WLS: variants seen among roughly 807,000 people sequenced by gnomAD.
WLS encodes the protein Wnt ligand secretion mediator.
In WLS, 23 loss-of-function variants were observed where a neutral mutation model predicts 62.8. The ratio of observed to expected loss-of-function variants is 0.37; its 90% CI spans 0.26 to 0.52. The LOEUF (loss-of-function observed/expected upper bound fraction) is 0.52. Ranked by LOEUF, WLS falls within the 20% of genes least tolerant of loss-of-function variation. The pLI is 0.92. For synonymous variants in WLS, 246 were observed against 244.1 expected, an observed-to-expected ratio of 1.01 and a Z score of -0.07; for missense variants, 615 against 697.3, an observed-to-expected ratio of 0.88 and a Z score of 1.33.
chr1:68,149,292 C>T (rs1646793868), intron 6 of WLS, among the ~76,000 whole-genome samples: 1 of 152,226 alleles, frequency 6.6e-6, no homozygotes, highest in Non-Finnish European at 1.5e-5. Context: ...CCTTGGCTGG[C>T]TTCCTGGTGC....
chr1:68,204,621 A>T (rs1649201401), intron 1 of WLS, among the ~76,000 whole-genome samples: 1 of 152,300 alleles, frequency 6.6e-6, no homozygotes. Flanking sequence ...ATATTTTTTT[A>T]AAAAACATTG....
chr1:68,107,289 A>C (rs1218695507), intron 11 of WLS, among the ~76,000 whole-genome samples: 1 of 119,768 alleles, frequency 8.3e-6, no homozygotes, highest in Non-Finnish European at 1.8e-5. Flanking sequence ...CCATTGTTGA[A>C]TAGCTAGATT....
Position 68,173,411 on chromosome 1 carries a change from C to CCTCT in WLS, c.380-14168_380-14165dup, listed in dbSNP as rs3053543. ...CGTTGTGAAAATCTACCTGCGTGCC[C>CCTCT]CTCTCTCTCTCTCTCTCTCTCTGAA... On this transcript the variant is annotated intron_variant, in intron 2 of 11. Coordinates refer to ENST00000262348, the MANE Select transcript of WLS (RefSeq NM_024911.7). 1.9e-3 allele frequency among the ~76,000 whole-genome samples: 292 copies of CCTCT among 149,974 alleles called. 2 individuals carry two copies. Among genetic ancestry groups the CCTCT allele is most frequent in the East Asian group, 9.7e-3 (49 of 5,064 alleles).
intron 11 of WLS, among the ~76,000 whole-genome samples, chr1:68,134,143 C>T (rs1178772547): frequency 6.6e-6 from 1 of 152,330 alleles, no homozygotes; most frequent in East Asian, 1.9e-4. Context: ...TCCTTCCTTG[C>T]AAGAGTTCTT....
chr1:68,109,347 C>T (rs1253435118), intron 11 of WLS, among the ~76,000 whole-genome samples: 1 of 152,180 alleles, frequency 6.6e-6, no homozygotes, highest in Non-Finnish European at 1.5e-5. Flanking sequence ...AATATATGAG[C>T]ACTCAATAAA....
chr1:68,134,570 A>C (rs1646578220), intron 11 of WLS, among the ~76,000 whole-genome samples: 1 of 152,220 alleles, frequency 6.6e-6, no homozygotes, highest in South Asian at 2.1e-4. Context: ...TTTCTTTATG[A>C]CATGAGCCTT....
intron 4 of WLS, 129 bp from the exon 5 acceptor site, chr1:68,153,782 A>T: frequency 8.0e-7 from 1 of 1,246,618 alleles, no homozygotes; most frequent in Non-Finnish European, 1.1e-6. Context: ...GAGCTTTCAC[A>T]TTCATAGCAG....
intron 2 of WLS, among the ~76,000 whole-genome samples, chr1:68,190,538 C>T (rs955797362): frequency 5.3e-5 from 8 of 152,218 alleles, no homozygotes; most frequent in Non-Finnish European, 1.0e-4. Context: ...GGGGGAAGCC[C>T]GCTGCCATGT....
intron 1 of WLS, among the ~76,000 whole-genome samples, chr1:68,196,875 A>G (rs1438720750): frequency 1.3e-5 from 2 of 152,136 alleles, no homozygotes; most frequent in African/African-American, 4.8e-5. Context: ...AACTTTGGTT[A>G]TCCTGACTCA....
chr1:68,100,089 G>A (rs1211698681), intron 11 of WLS, among the ~76,000 whole-genome samples: 1 of 152,218 alleles, frequency 6.6e-6, no homozygotes, highest in African/African-American at 2.4e-5. Context: ...ACTAATAGAT[G>A]TGGAATTGAA....
chr1:68,201,133 G>A (rs1013257548), intron 1 of WLS, among the ~76,000 whole-genome samples: 1 of 152,140 alleles, frequency 6.6e-6, no homozygotes, highest in African/African-American at 2.4e-5. Flanking sequence ...CTGGTTAAAA[G>A]GAAACATGTG....
In WLS at chr1:68,214,954, A is replaced by T. The variant is rs74081616; in HGVS notation, c.106+17240T>A. Among the ~76,000 whole-genome samples, 889 of 152,318 alleles carry T rather than the reference A, an allele frequency of 5.8e-3. 6 individuals are homozygous for T. Among genetic ancestry groups the T allele is most frequent in the African/African-American group, 0.02 (846 of 41,568 alleles). ...ATTCTGTGAGTTGAAATTCAGTAAG[A>T]AAAAGAGAGGACATCTCTTCCTGGT... is the stretch of plus-strand genomic sequence containing the variant. On this transcript the variant is annotated intron_variant, in intron 1 of 11. Transcript: ENST00000262348.
intron 3 of WLS, among the ~76,000 whole-genome samples, chr1:68,156,715 T>G (rs1646904931): frequency 6.6e-6 from 1 of 152,154 alleles, no homozygotes; most frequent in Non-Finnish European, 1.5e-5. Context: ...GAATGCTGCT[T>G]TTTCAAACCT....
intron 2 of WLS, among the ~76,000 whole-genome samples, chr1:68,187,189 C>CGAAAAAAAAAAAAAAAAAAAA (rs1648006165): frequency 1.7e-5 from 1 of 57,196 alleles, no homozygotes; most frequent in African/African-American, 7.5e-5. Context: ...ACTCCATCTC[C>CGAAAAAAAAAAAAAAAAAAAA]AAAAAAAAAA....
intron 11 of WLS, among the ~76,000 whole-genome samples, chr1:68,113,518 C>T (rs1030584164): frequency 5.9e-5 from 9 of 152,160 alleles, no homozygotes; most frequent in African/African-American, 2.2e-4. Context: ...ACTTCAGCTC[C>T]TGGCCAAGTC....
chr1:68,102,272 G>A (rs2100292303), intron 11 of WLS, among the ~76,000 whole-genome samples: 1 of 152,310 alleles, frequency 6.6e-6, no homozygotes, highest in African/African-American at 2.4e-5. Flanking sequence ...TCTTCCCAAG[G>A]GAAAGAATGA....
At chr1:68,221,808 T>C (rs1474624705) in intron 1 of WLS, among the ~76,000 whole-genome samples, 4 of 152,084 alleles carry the variant, frequency 2.6e-5, no homozygotes, top group East Asian at 1.9e-4. Flanking sequence ...TTCAACAAAA[T>C]GAAAAGACAG....
intron 3 of WLS, among the ~76,000 whole-genome samples, chr1:68,156,538 C>G (rs189668999): frequency 1.3e-5 from 2 of 152,110 alleles, no homozygotes; most frequent in Admixed American, 6.5e-5. Context: ...GAGACACACA[C>G]GGCAAGGTAG....
At position 68,150,177 on chromosome 1, in the gene WLS, G is replaced by A; in HGVS notation, c.972+11C>T. 6.2e-7 allele frequency: 1 copy of A among 1,613,404 alleles called. No individual in the cohort carries two copies. The highest frequency in any genetic ancestry group is 8.5e-7 in the Non-Finnish European group (1 of 1,179,660). On this transcript the variant is annotated intron_variant, in intron 6 of 11. Coordinates refer to ENST00000262348, the MANE Select transcript of WLS (RefSeq NM_024911.7). ...CTGGTACAGACGTCTGTCCCTCCCGGCGGCTCTTACCATCATGTGCTCGCC... is the reference window on the plus strand; with the variant it reads ...CTGGTACAGACGTCTGTCCCTCCCGACGGCTCTTACCATCATGTGCTCGCC...
Sources: allele counts gnomAD v4.1 joint callset (sites outside exome capture counted in the v4.1 genomes callset), GRCh38; gene constraint gnomAD v4.1.1; transcripts MANE v1.5; gene names NCBI Gene and HGNC (gene_info 2026-07-23, HGNC 2026-07-21).